The following DOCK10 variants were observed in gnomAD, a reference collection of about 807,000 sequenced individuals.
DOCK10 encodes the protein dedicator of cytokinesis 10.
DOCK10 carries 145 observed loss-of-function variants against 280.1 expected under a neutral mutation model. The ratio of observed to expected loss-of-function variants is 0.52; its 90% CI spans 0.45 to 0.59. The LOEUF is 0.59. DOCK10 is among the 20% of genes least tolerant of loss of function. The pLI is 0.00. For missense variants in DOCK10, 2,368 were observed against 2,651.7 expected (o/e 0.89, Z 2.35); for synonymous variants, 915 against 942.2 (o/e 0.97, Z 0.53).
intron 1 of DOCK10, among the ~76,000 whole-genome samples, chr2:224,941,782 T>G (rs1703098878): frequency 6.6e-6 from 1 of 150,636 alleles, no homozygotes; most frequent in South Asian, 2.1e-4. Context: ...AGGCAGAGGT[T>G]GCAGTGAGCT....
At position 225,042,258 on chromosome 2, in the gene DOCK10, C is replaced by T. The variant is rs762641861; in HGVS notation, c.117G>A (p.Gln39=). 2.3e-6 allele frequency: 3 copies of T among 1,306,280 alleles called. No homozygotes were observed. Among genetic ancestry groups the T allele is most frequent in the Middle Eastern group, 2.9e-4 (1 of 3,478 alleles). The allele number at this position is 1,306,280 out of a possible 1,614,324, so 80.9% of individuals were successfully genotyped here. ...GAGGACGCGCCGCACTCACCCGCTGCTGCTGCCGGCTGCTGACTGCCACCG... is the reference window on the plus strand; with the variant it reads ...GAGGACGCGCCGCACTCACCCGCTGTTGCTGCCGGCTGCTGACTGCCACCG... ...AAAVAVSSRQ[Q]QRQEKPRLLE... Residue 39 remains glutamine (Q), a synonymous_variant, in exon 1 of 56, where the codon CAG becomes CAA. Coordinates refer to ENST00000258390, the MANE Select transcript of DOCK10 (RefSeq NM_014689.3). The surrounding 1 kb of genome is among the most constrained non-coding windows in gnomAD (Gnocchi z 5.1).
At chr2:224,942,255 TG>T (rs1156363052) in intron 1 of DOCK10, among the ~76,000 whole-genome samples, 2 of 152,360 alleles carry the variant, frequency 1.3e-5, no homozygotes, top group East Asian at 3.9e-4. Context: ...AACTGTTCAG[TG>T]TTGCAGCTCA....
chr2:224,885,747 T>C lies in DOCK10; in HGVS notation c.671A>G (p.Asn224Ser), dbSNP rs1699239218. The stretch of plus-strand genomic sequence containing the variant: ...GGATATTTTCTCATCTTTGTAAAAG[T>C]TCATAATGTAGGAGTTATCTGGTAA... ...TQLPDNSYIM[N>S]FYKDEKISKE... is the part of the protein sequence containing the mutation. The change falls in exon 7 of 56, where the codon AAC becomes AGC. Residue 224 changes from asparagine to serine, a missense_variant. Physicochemically the swap from Asn to Ser is conservative, Grantham distance 46 (BLOSUM62 1). Coordinates refer to ENST00000258390, the MANE Select transcript of DOCK10 (RefSeq NM_014689.3). 6.2e-7 allele frequency: 1 copy of C among 1,613,776 alleles called. No individual in the cohort carries two copies. Among genetic ancestry groups the C allele is most frequent in the South Asian group, 1.1e-5 (1 of 91,052 alleles).
At chr2:224,869,046 A>T (rs142800578) in intron 11 of DOCK10, among the ~76,000 whole-genome samples, 29 of 152,302 alleles carry the variant, frequency 1.9e-4, no homozygotes, top group African/African-American at 6.5e-4. Flanking sequence ...TAAATGTCAA[A>T]TCACTGGCTT....
At chr2:224,948,927 C>A (rs1049741307) in intron 1 of DOCK10, among the ~76,000 whole-genome samples, 5 of 152,192 alleles carry the variant, frequency 3.3e-5, no homozygotes, top group Admixed American at 6.5e-5. Context: ...CCTCTTTAGG[C>A]ACCACAGTTC....
chr2:224,952,737 C>T (rs1238962965), intron 1 of DOCK10, among the ~76,000 whole-genome samples: 15 of 150,486 alleles, frequency 1.0e-4, no homozygotes, highest in African/African-American at 3.4e-4. Context: ...GGACTACAGG[C>T]GCCCGCCACT....
chr2:224,804,876 C>A (rs573580287), intron 37 of DOCK10, 35 bp from the exon 38 acceptor site: 2 of 1,437,132 alleles, frequency 1.4e-6, no homozygotes, highest in South Asian at 1.4e-5. Flanking sequence ...TTTAATTATT[C>A]ATATTCTTTT....
At chr2:224,846,877 C>A (rs1696393003) in intron 19 of DOCK10, among the ~76,000 whole-genome samples, 2 of 152,170 alleles carry the variant, frequency 1.3e-5, no homozygotes, top group South Asian at 4.1e-4. Flanking sequence ...AGGCTGGAGT[C>A]TCAGACATTA....
intron 11 of DOCK10, among the ~76,000 whole-genome samples, chr2:224,873,620 G>T (rs1193162953): frequency 1.1e-5 from 1 of 94,356 alleles, no homozygotes; most frequent in Admixed American, 1.0e-4. Context: ...AAAAAAAAAA[G>T]CCATCTTGAG....
At chr2:224,819,630 C>T in intron 28 of DOCK10, 101 bp from the exon 29 acceptor site, 1 of 736,108 alleles carries the variant, frequency 1.4e-6, no homozygotes, top group East Asian at 3.0e-5. Context: ...TAACACTAAA[C>T]TAAATGTGTT....
chr2:224,798,657 G>A, intron 41 of DOCK10, among the ~76,000 whole-genome samples: 1 of 144,998 alleles, frequency 6.9e-6, no homozygotes, highest in African/African-American at 2.6e-5. Flanking sequence ...TTTGAGACAA[G>A]GTCTCACTCT....
intron 2 of DOCK10, 49 bp downstream of exon 2, chr2:224,931,500 A>T: frequency 6.5e-7 from 1 of 1,549,098 alleles, no homozygotes; most frequent in Non-Finnish European, 8.7e-7. Flanking sequence ...CAATGACCCA[A>T]TGTGTAGGGC....
intron 1 of DOCK10, among the ~76,000 whole-genome samples, chr2:224,933,620 T>C (rs1246654062): frequency 1.3e-5 from 2 of 152,224 alleles, no homozygotes; most frequent in African/African-American, 2.4e-5. Context: ...CAGGAAGCTC[T>C]TACGTCTGCC....
At chr2:224,957,982 G>T (rs904806538) in intron 1 of DOCK10, among the ~76,000 whole-genome samples, 1 of 152,186 alleles carries the variant, frequency 6.6e-6, no homozygotes, top group Non-Finnish European at 1.5e-5. Context: ...TGGGACTGTG[G>T]TGTTGGCCAC....
At chr2:224,867,769 A>C (rs1478870517) in intron 11 of DOCK10, among the ~76,000 whole-genome samples, 1 of 152,228 alleles carries the variant, frequency 6.6e-6, no homozygotes, top group African/African-American at 2.4e-5. Flanking sequence ...ACATTAAGGA[A>C]GTATGACCAA....
Position 225,034,460 on chromosome 2 carries a change from A to C in DOCK10, c.123+7792T>G, listed in dbSNP as rs548715867. Among the ~76,000 whole-genome samples, 3 of 152,368 alleles carry C rather than the reference A, an allele frequency of 2.0e-5. No homozygotes were observed. The East Asian group carries it at 5.8e-4, about 29-fold the overall frequency. ...TACCTTTCTGCAGGATTGCATTTCC[A>C]ATGCTTGCCAAGATTTACAAGTAGA... On this transcript the variant is annotated intron_variant, in intron 1 of 55. Coordinates refer to ENST00000258390, the MANE Select transcript of DOCK10 (RefSeq NM_014689.3).
chr2:224,863,514 A>C (rs1697666585), intron 13 of DOCK10, among the ~76,000 whole-genome samples: 1 of 151,956 alleles, frequency 6.6e-6, no homozygotes, highest in Non-Finnish European at 1.5e-5. Flanking sequence ...GTGCAGTGGC[A>C]GGATCTTGGC....
chr2:224,949,479 A>G (rs1205216993), intron 1 of DOCK10, among the ~76,000 whole-genome samples: 1 of 152,254 alleles, frequency 6.6e-6, no homozygotes, highest in Non-Finnish European at 1.5e-5. Flanking sequence ...CCTAGTTTTA[A>G]GAAGCTTGTA....
chr2:224,885,740 G>A lies in DOCK10; in HGVS notation c.678C>T (p.Tyr226=). Residue 226 remains tyrosine, a synonymous_variant, in exon 7 of 56, where the codon TAC becomes TAT. Transcript: ENST00000258390. ...LPDNSYIMNF[Y]KDEKISKEPK... ...GTTCTTTGGATATTTTCTCATCTTTGTAAAAGTTCATAATGTAGGAGTTAT... is the reference window on the plus strand; with the variant it reads ...GTTCTTTGGATATTTTCTCATCTTTATAAAAGTTCATAATGTAGGAGTTAT... The A allele has an allele frequency of 1.2e-6, 2 of 1,613,774 alleles. No homozygotes were observed. Among genetic ancestry groups the A allele is most frequent in the Non-Finnish European group, 1.7e-6 (2 of 1,179,820 alleles).
Sources: allele counts gnomAD v4.1 joint callset (sites outside exome capture counted in the v4.1 genomes callset), GRCh38; gene constraint gnomAD v4.1.1; non-coding constraint Gnocchi (gnomAD v3.1); transcripts MANE v1.5; gene names NCBI Gene and HGNC (gene_info 2026-07-23, HGNC 2026-07-21).